Variants in PREX2 observed in about 807,000 individuals in gnomAD.
The protein encoded by PREX2 is phosphatidylinositol 3,4,5-trisphosphate-dependent Rac exchanger 2 protein.
A neutral mutation model predicts 203.2 loss-of-function variants in PREX2; 107 were observed. The ratio of observed to expected loss-of-function variants is 0.53; its 90% confidence interval spans 0.45 to 0.62. The LOEUF is 0.62. Ranked by LOEUF, PREX2 falls within the 20% of genes least tolerant of loss-of-function variation. The probability of loss-of-function intolerance (pLI) is 0.00; values close to 1 mark genes in which losing one functional copy is unlikely to be tolerated. For synonymous variants in PREX2, 672 were observed against 663.6 expected (o/e 1.01, Z -0.19); for missense variants, 1,777 against 1,955.9 (o/e 0.91, Z 1.72).
In PREX2 at chr8:68,044,472, T is replaced by C. The variant is rs370633308; in HGVS notation, c.840-15T>C. On this transcript the variant is annotated splice_polypyrimidine_tract_variant and intron_variant, in intron 7 of 39. Coordinates refer to ENST00000288368, the MANE Select transcript of PREX2 (RefSeq NM_024870.4). ...GTTTAGTAACAAAGTCTTTGTGATT[T>C]AATTCCATCTTAAGACGGTTGAAGA... The C allele has an allele frequency of 4.0e-5, 62 of 1,568,836 alleles. No individual in the cohort carries two copies. The highest frequency in any genetic ancestry group is 6.7e-5 in the Admixed American group (4 of 59,452).
At chr8:68,191,660 C>A in intron 35 of PREX2, 62 bp from the exon 36 acceptor site, 1 of 1,173,270 alleles carries the variant, frequency 8.5e-7, no homozygotes, top group Non-Finnish European at 1.3e-6. Context: ...TCTTGAACAT[C>A]TTCATGCATA....
chr8:68,171,241 A>G (rs1319990816), intron 35 of PREX2, among the ~76,000 whole-genome samples: 2 of 152,204 alleles, frequency 1.3e-5, no homozygotes, highest in Non-Finnish European at 2.9e-5. Flanking sequence ...GCCTTCATCA[A>G]TGAAGAATGG....
At chr8:68,185,587 C>T (rs1812173242) in intron 35 of PREX2, among the ~76,000 whole-genome samples, 2 of 152,118 alleles carry the variant, frequency 1.3e-5, no homozygotes, top group Admixed American at 6.6e-5. Flanking sequence ...GTGTATTTGT[C>T]TTCTTGATTA....
chr8:68,225,500 A>G (rs1173487515), intron 39 of PREX2, among the ~76,000 whole-genome samples: 2 of 152,246 alleles, frequency 1.3e-5, no homozygotes, highest in Non-Finnish European at 2.9e-5. Context: ...AACAAAAAAT[A>G]GGTTCTTCCA....
At chr8:68,169,661 A>T (rs574978933) in intron 35 of PREX2, among the ~76,000 whole-genome samples, 1 of 152,180 alleles carries the variant, frequency 6.6e-6, no homozygotes, top group Non-Finnish European at 1.5e-5. Flanking sequence ...TGGGAAAATC[A>T]GAATTTAAAT....
chr8:68,152,211 G>T (rs887936435), intron 34 of PREX2, among the ~76,000 whole-genome samples: 3 of 148,434 alleles, frequency 2.0e-5, no homozygotes, highest in Non-Finnish European at 3.0e-5. Flanking sequence ...ATGGTGTCCC[G>T]GGAGGCAGAG....
chr8:68,020,417 A>G (rs1055619246), intron 3 of PREX2, among the ~76,000 whole-genome samples: 2 of 151,680 alleles, frequency 1.3e-5, no homozygotes, highest in African/African-American at 4.8e-5. Context: ...GAATCCATGT[A>G]TTTATCAAAA....
chr8:68,203,993 G>A (rs964225484), intron 37 of PREX2, among the ~76,000 whole-genome samples: 2 of 152,220 alleles, frequency 1.3e-5, no homozygotes, highest in Middle Eastern at 3.4e-3. Context: ...AAGGAACTTC[G>A]GGTAGCTGGG....
intron 1 of PREX2, among the ~76,000 whole-genome samples, chr8:67,963,112 G>C (rs1249834721): frequency 6.6e-6 from 1 of 152,144 alleles, no homozygotes; most frequent in East Asian, 1.9e-4. Flanking sequence ...ATGCAGATAA[G>C]TGTGGGCCTA....
At chr8:67,974,913 T>A (rs943838111) in intron 1 of PREX2, among the ~76,000 whole-genome samples, 14 of 152,196 alleles carry the variant, frequency 9.2e-5, no homozygotes, top group Non-Finnish European at 1.9e-4. Context: ...GGACAGTTTT[T>A]GTGTGCACAT....
chr8:68,191,740 G>T lies in PREX2; in HGVS notation c.4365G>T (p.Lys1455Asn). 1 of 1,610,688 alleles carries T rather than the reference G, an allele frequency of 6.2e-7. No individual in the cohort carries two copies. Among genetic ancestry groups the T allele is most frequent in the South Asian group, 1.1e-5 (1 of 90,946 alleles). ...NQKLRAFYLDKSNSPPNSTSK... is the reference protein window; with the variant it reads ...NQKLRAFYLDNSNSPPNSTSK... Reference sequence around the variant, plus strand: ...CTTACAGGGCATTCTACTTGGACAAGTCAAATTCACCACCAAACTCCACAT... The same window carrying T: ...CTTACAGGGCATTCTACTTGGACAATTCAAATTCACCACCAAACTCCACAT... Residue 1455 changes from lysine (K) to asparagine (N), a missense_variant, in exon 36 of 40, where the codon AAG (lysine) becomes AAT (asparagine). Coordinates refer to ENST00000288368, the MANE Select transcript of PREX2 (RefSeq NM_024870.4).
At chr8:68,210,950 A>G (rs185876463) in intron 37 of PREX2, among the ~76,000 whole-genome samples, 377 of 152,332 alleles carry the variant, frequency 2.5e-3, no homozygotes, top group Non-Finnish European at 3.1e-3. Context: ...TAAGTTAGAA[A>G]TGGTTGAAAT....
chr8:68,176,827 G>A (rs527471396), intron 35 of PREX2: 13 of 152,274 alleles, frequency 8.5e-5, no homozygotes, highest in East Asian at 7.7e-4. Context: ...TAGAAAAGAC[G>A]TAGAAGTAAC....
In PREX2 at chr8:68,069,134, A is replaced by G; in HGVS notation, c.1441A>G (p.Lys481Glu). 6.6e-7 allele frequency: 1 copy of G among 1,514,922 alleles called. No homozygotes were observed. Among genetic ancestry groups the G allele is most frequent in the Non-Finnish European group, 9.0e-7 (1 of 1,108,164 alleles). The allele number at this position is 1,514,922 out of a possible 1,614,324, so 93.8% of individuals were successfully genotyped here. A position where few individuals can be genotyped will look rare whatever the true frequency, so the allele number is the denominator to read the frequency against. ...PRNEMQDVIS[K>E]GVRLYCRLHS... ...AAATGAGATGCAGGACGTGATTTCA[A>G]AGGTAACGACCTCTCCCACAACCTC... The change falls in exon 12 of 40, where the codon AAG becomes GAG. Residue 481 changes from lysine (K) to glutamate (E), a missense_variant and splice_region_variant. Physicochemically the swap from Lys to Glu is moderately conservative, Grantham distance 56. Transcript: ENST00000288368.
intron 1 of PREX2, among the ~76,000 whole-genome samples, chr8:68,000,808 A>G (rs1806916027): frequency 6.6e-6 from 1 of 152,196 alleles, no homozygotes; most frequent in African/African-American, 2.4e-5. Flanking sequence ...ACGTATAACC[A>G]TGTGATCATT....
rs1292060270 is a variant in PREX2 at position 68,108,247 on chromosome 8, A to G, written c.2854A>G (p.Thr952Ala). ...VMEVSYPKTS[T>A]SLGSAFGVQL... ...GGAAGTTTCTTATCCCAAAACATCA[A>G]CCTCTTTGGGAAGTGCATTTGGTGT... The change falls in exon 24 of 40, where the codon ACC becomes GCC. Residue 952 changes from threonine to alanine, a missense_variant. Physicochemically the swap from Thr to Ala is moderately conservative, Grantham distance 58. Coordinates refer to ENST00000288368, the MANE Select transcript of PREX2 (RefSeq NM_024870.4). 4.3e-6 allele frequency: 7 copies of G among 1,613,782 alleles called. No individual in the cohort carries two copies. Among genetic ancestry groups the G allele is most frequent in the African/African-American group, 2.7e-5 (2 of 74,920 alleles).
intron 1 of PREX2, among the ~76,000 whole-genome samples, chr8:67,973,308 C>G (rs989794841): frequency 1.3e-5 from 2 of 152,122 alleles, no homozygotes; most frequent in African/African-American, 4.8e-5. Context: ...CCTAATTTAT[C>G]AACTTGTCAT....
chr8:68,071,764 G>A (rs1436004640), intron 13 of PREX2, among the ~76,000 whole-genome samples: 1 of 152,032 alleles, frequency 6.6e-6, no homozygotes, highest in African/African-American at 2.4e-5. Context: ...ATCTAATCAG[G>A]CAAAAAGAAT....
chr8:68,105,063 G>T, intron 23 of PREX2: 1 of 1,147,728 alleles, frequency 8.7e-7, no homozygotes, highest in Non-Finnish European at 1.2e-6. Flanking sequence ...GATGTTTACA[G>T]GGCCATTTGC....
Sources: gnomAD v4.1 joint callset for allele counts (sites outside exome capture counted in the v4.1 genomes callset) on GRCh38, gnomAD v4.1.1 for gene constraint, MANE v1.5 for transcripts, NCBI Gene and HGNC (gene_info 2026-07-23, HGNC 2026-07-21) for gene names.